ADGRL3: variants seen among roughly 807,000 people sequenced by gnomAD.
ADGRL3 encodes the protein calcium-independent alpha-latrotoxin receptor 3.
Under a neutral mutation model 153.5 loss-of-function variants are expected in ADGRL3, and 62 were observed. The ratio of observed to expected loss-of-function variants is 0.40; its 90% CI spans 0.33 to 0.50. ADGRL3 has a LOEUF of 0.50. Ranked by LOEUF, ADGRL3 falls within the 20% of genes least tolerant of loss-of-function variation. The pLI is 0.47. For synonymous variants in ADGRL3, 710 were observed against 672.5 expected (o/e 1.06, Z -0.86); for missense variants, 1,641 against 1,859.4 (o/e 0.88, Z 2.16).
intron 17 of ADGRL3, among the ~76,000 whole-genome samples, chr4:61,955,245 G>A (rs1246003117): frequency 6.6e-6 from 1 of 152,060 alleles, no homozygotes; most frequent in Non-Finnish European, 1.5e-5. Flanking sequence ...CTAGCCCTTA[G>A]CTTTCAAACT....
At chr4:62,065,121 A>G (rs765744956) in intron 25 of ADGRL3, among the ~76,000 whole-genome samples, 6 of 152,054 alleles carry the variant, frequency 3.9e-5, no homozygotes, top group African/African-American at 1.4e-4. Context: ...TGTTATGTAT[A>G]TATTTTTTTC....
Position 61,404,125 on chromosome 4 carries a change from G to A in ADGRL3, c.-174+20936G>A, listed in dbSNP as rs115197202. On this transcript the variant is annotated intron_variant, in intron 2 of 26. Transcript: ENST00000683033. ...ATATATAATAGTTAGCAAGTTTCTG[G>A]CAGCATGGTGTTTACAGTCCATTGG... Among the ~76,000 whole-genome samples, 1,114 of 152,050 alleles carry A rather than the reference G, an allele frequency of 7.3e-3. 13 individuals are homozygous for A. Among genetic ancestry groups the A allele is most frequent in the Middle Eastern group, 0.014 (4 of 294 alleles).
chr4:61,904,192 AAC>A (rs1491135445), intron 11 of ADGRL3, among the ~76,000 whole-genome samples: 11 of 151,634 alleles, frequency 7.3e-5, no homozygotes, highest in African/African-American at 2.7e-4. Context: ...AAAAAAAAAA[AAC>A]ACTTCTTGAA....
chr4:61,717,145 G>A (rs1329351849), intron 6 of ADGRL3, among the ~76,000 whole-genome samples: 2 of 151,614 alleles, frequency 1.3e-5, no homozygotes, highest in African/African-American at 4.8e-5. Context: ...TTCCAAATGT[G>A]TGTATCATTT....
chr4:61,744,545 TTTG>T lies in ADGRL3; in HGVS notation c.1399+10993_1399+10995del, dbSNP rs2096628294. ...CCAGAGGAGCTATCAGGCAGCAGCG[TTTG>T]TGCTTCACAAAAATCCGCTGTTCTG... On this transcript the variant is annotated intron_variant, in intron 8 of 26. Transcript: ENST00000683033. Among the ~76,000 whole-genome samples the T allele has an allele frequency of 1.1e-4, 17 of 152,228 alleles. No homozygotes were observed. In the South Asian group the frequency reaches 3.5e-3, roughly 32 times the overall value.
At chr4:61,533,791 C>T (rs2098638029) in intron 4 of ADGRL3, among the ~76,000 whole-genome samples, 1 of 152,086 alleles carries the variant, frequency 6.6e-6, no homozygotes, top group Non-Finnish European at 1.5e-5. Context: ...GTGAAATGGA[C>T]ACTCTTTTTG....
At position 61,433,343 on chromosome 4, in the gene ADGRL3, G is replaced by GGA. The variant is rs551526362; in HGVS notation, c.-174+50155_-174+50156dup. Among the ~76,000 whole-genome samples the GGA allele has an allele frequency of 2.4e-4, 35 of 145,180 alleles. 1 individual carries two copies. The South Asian group carries it at 7.0e-3, about 29-fold the overall frequency. On this transcript the variant is annotated intron_variant, in intron 2 of 26. Coordinates refer to ENST00000683033, the MANE Select transcript of ADGRL3 (RefSeq NM_001387552.1). ...TGATCTTAGATAATTTGTAGTTTCA[G>GGA]GACTGTGAATAGCTTTTTTTTTAAA... is the stretch of plus-strand genomic sequence containing the variant.
chr4:61,353,938 A>G (rs753663986), intron 1 of ADGRL3, among the ~76,000 whole-genome samples: 2 of 152,082 alleles, frequency 1.3e-5, no homozygotes, highest in Non-Finnish European at 2.9e-5. Flanking sequence ...ATTATCACAG[A>G]TGGATTTAAC....
chr4:62,007,425 CAT>C (rs373551662), intron 21 of ADGRL3, among the ~76,000 whole-genome samples: 1,883 of 99,356 alleles, frequency 0.019, 100 homozygotes, highest in African/African-American at 0.064. Flanking sequence ...TATATATACA[CAT>C]ATATATATAT....
At chr4:61,291,591 T>C (rs1478099056) in intron 1 of ADGRL3, among the ~76,000 whole-genome samples, 359 of 12,420 alleles carry the variant, frequency 0.029, 4 homozygotes, top group Non-Finnish European at 0.057. Flanking sequence ...TACATATATA[T>C]ATATATATAT....
chr4:61,681,737 T>C (rs2095340698), intron 6 of ADGRL3, among the ~76,000 whole-genome samples: 1 of 152,084 alleles, frequency 6.6e-6, no homozygotes, highest in South Asian at 2.1e-4. Context: ...TATAAATGAT[T>C]AAATACATTT....
rs1477805384 is a variant in ADGRL3, at chr4:62,071,775, T to A, written c.*867T>A. ...TTTTTGCCTTTTATTCCTTTAAAAT[T>A]TCGCCTGGCAAAAAATAAATAAATG... On this transcript the variant is annotated 3_prime_UTR_variant, in exon 27 of 27. Coordinates refer to ENST00000683033, the MANE Select transcript of ADGRL3 (RefSeq NM_001387552.1). 1 of 405,744 alleles carries A rather than the reference T, an allele frequency of 2.5e-6. No homozygotes were observed. Among genetic ancestry groups the A allele is most frequent in the Non-Finnish European group, 4.7e-6 (1 of 210,594 alleles). 25.1% of individuals were successfully genotyped at this position (405,744 alleles called of 1,614,324 possible).
intron 9 of ADGRL3, among the ~76,000 whole-genome samples, chr4:61,845,844 C>T (rs776243222): frequency 2.0e-5 from 3 of 152,054 alleles, no homozygotes; most frequent in Non-Finnish European, 4.4e-5. Flanking sequence ...TAAAATTGGA[C>T]AATGCAGATG....
chr4:61,448,837 AGGGAAGGAAGGGAAGGAAGG>A (rs1481014172), intron 2 of ADGRL3, among the ~76,000 whole-genome samples: 5 of 31,208 alleles, frequency 1.6e-4, no homozygotes, highest in African/African-American at 4.0e-4. Context: ...GAAGGGAGGG[AGGGAAGGAAGGGAAGGAAGG>A]GAGGGAAGGA....
chr4:61,206,522 A>G (rs1469972457), intron 1 of ADGRL3, among the ~76,000 whole-genome samples: 1 of 152,194 alleles, frequency 6.6e-6, no homozygotes, highest in Non-Finnish European at 1.5e-5. Flanking sequence ...CCTTTCACTC[A>G]TATTCTTTAA....
chr4:61,923,805 T>G (rs1484447493), intron 13 of ADGRL3, among the ~76,000 whole-genome samples: 1 of 152,184 alleles, frequency 6.6e-6, no homozygotes, highest in Non-Finnish European at 1.5e-5. Context: ...TGTATTTTAA[T>G]GTCTCTTCAC....
At chr4:61,524,205 G>A (rs2098546861) in intron 4 of ADGRL3, among the ~76,000 whole-genome samples, 2 of 152,004 alleles carry the variant, frequency 1.3e-5, no homozygotes, top group South Asian at 2.1e-4. Flanking sequence ...GGAAACTTAC[G>A]TTATATTTAT....
At chr4:62,031,364 G>A (rs775001881) in intron 22 of ADGRL3, 78 bp from the exon 23 acceptor site, 214 of 1,191,028 alleles carry the variant, frequency 1.8e-4, no homozygotes, top group Non-Finnish European at 2.4e-4. Flanking sequence ...TTTTTTCAGT[G>A]TCGTATTGTT....
At chr4:61,520,472 C>G (rs1344384898) in intron 4 of ADGRL3, among the ~76,000 whole-genome samples, 2 of 152,160 alleles carry the variant, frequency 1.3e-5, no homozygotes, top group Non-Finnish European at 2.9e-5. Context: ...AAACTCTACT[C>G]TGGGCTCATT....
Sources: allele counts gnomAD v4.1 joint callset (sites outside exome capture counted in the v4.1 genomes callset), GRCh38; gene constraint gnomAD v4.1.1; transcripts MANE v1.5; gene names NCBI Gene and HGNC (gene_info 2026-07-23, HGNC 2026-07-21).